The following DNAJC11 variants were observed in gnomAD, a reference collection of about 807,000 sequenced individuals.
DNAJC11 encodes DnaJ heat shock protein family (Hsp40) member C11, also known as dnaJ homolog subfamily C member 11.
A neutral mutation model predicts 78.6 loss-of-function variants in DNAJC11; 15 were observed. The observed-to-expected ratio is 0.19, with a 90% CI of 0.13 to 0.29. The LOEUF (loss-of-function observed/expected upper bound fraction) is 0.29. Among genes scored for constraint, DNAJC11 ranks in the 10% least tolerant of loss-of-function variants. The pLI, the probability that DNAJC11 is intolerant of heterozygous loss-of-function variation, is 1.00. For missense variants in DNAJC11, 547 were observed against 709.6 expected (o/e 0.77, Z 2.60); for synonymous variants, 292 against 272.1 (o/e 1.07, Z -0.72).
At position 6,701,788 on chromosome 1, in the gene DNAJC11, A is replaced by G; in HGVS notation, c.13T>C (p.Leu5=). The change falls in exon 1 of 16, where the codon TTG becomes CTG. Residue 5 remains leucine (L), a synonymous_variant. Transcript: ENST00000377577. The part of the protein sequence containing the change: MATA[L]SEEELDNEDY... ...TCATTGTCCAGCTCCTCCTCGCTCAAGGCCGTCGCCATCTTCGCAACCTTT... is the reference window on the plus strand; with the variant it reads ...TCATTGTCCAGCTCCTCCTCGCTCAGGGCCGTCGCCATCTTCGCAACCTTT... The G allele has an allele frequency of 3.2e-6, 5 of 1,563,202 alleles. No homozygotes were observed. The highest frequency in any genetic ancestry group is 4.3e-6 in the Non-Finnish European group (5 of 1,157,036).
chr1:6,679,624 C>T (rs534561096), intron 2 of DNAJC11, among the ~76,000 whole-genome samples: 76 of 152,290 alleles, frequency 5.0e-4, no homozygotes, highest in African/African-American at 1.8e-3. Flanking sequence ...AAATGCTGGC[C>T]CCTGGAAAAC....
chr1:6,643,120 T>C (rs1641903716), intron 10 of DNAJC11, among the ~76,000 whole-genome samples: 1 of 150,808 alleles, frequency 6.6e-6, no homozygotes, highest in Non-Finnish European at 1.5e-5. Context: ...AGAGACCAAA[T>C]GAGATGAAGA....
chr1:6,643,346 A>G (rs190536061), intron 10 of DNAJC11, among the ~76,000 whole-genome samples: 241 of 147,192 alleles, frequency 1.6e-3, no homozygotes, highest in African/African-American at 5.6e-3. Context: ...CGCCATCTCG[A>G]CTCACTGCAA....
At chr1:6,643,725 C>A (rs1310277283) in intron 10 of DNAJC11, among the ~76,000 whole-genome samples, 1 of 152,114 alleles carries the variant, frequency 6.6e-6, no homozygotes, top group Non-Finnish European at 1.5e-5. Context: ...GGGATAGCTG[C>A]CAGGCCAGTG....
intron 2 of DNAJC11, 104 bp from the exon 3 acceptor site, chr1:6,678,571 T>C: frequency 1.1e-6 from 1 of 889,200 alleles, no homozygotes; most frequent in Non-Finnish European, 1.7e-6. Flanking sequence ...GTTCTCCCTG[T>C]CTGATCACAA....
chr1:6,678,525 T>C, intron 2 of DNAJC11, 58 bp from the exon 3 acceptor site: 3 of 1,372,654 alleles, frequency 2.2e-6, no homozygotes, highest in Non-Finnish European at 3.1e-6. Context: ...CAGTCCTTCC[T>C]GAGAATACTG....
intron 3 of DNAJC11, among the ~76,000 whole-genome samples, chr1:6,675,021 C>T (rs550959656): frequency 5.9e-5 from 9 of 152,270 alleles, no homozygotes; most frequent in African/African-American, 1.9e-4. Flanking sequence ...CAGCTTCCTC[C>T]CTGGAGTGAA....
chr1:6,652,760 T>C (rs1642074813), intron 6 of DNAJC11, 69 bp downstream of exon 6: 1 of 1,600,416 alleles, frequency 6.2e-7, no homozygotes, highest in Non-Finnish European at 8.5e-7. Flanking sequence ...AGGGTGAGCT[T>C]TGAGAGTGTA....
intron 4 of DNAJC11, among the ~76,000 whole-genome samples, chr1:6,662,828 C>T (rs1488637669): frequency 6.9e-5 from 2 of 29,094 alleles, no homozygotes; most frequent in African/African-American, 2.4e-4. Context: ...GCTGGCCACC[C>T]CAGCCAGCAA....
intron 3 of DNAJC11, among the ~76,000 whole-genome samples, chr1:6,671,417 T>A (rs1453145255): frequency 2.2e-5 from 3 of 135,696 alleles, no homozygotes. Context: ...TAATTTTTTT[T>A]AGTAGAGACG....
chr1:6,655,904 C>A (rs1158560797), intron 4 of DNAJC11, among the ~76,000 whole-genome samples: 1 of 151,796 alleles, frequency 6.6e-6, no homozygotes, highest in Non-Finnish European at 1.5e-5. Context: ...GAGTTTGAGA[C>A]CAACATGACC....
In DNAJC11 at chr1:6,652,867, C is replaced by T; in HGVS notation, c.592G>A (p.Ala198Thr). The stretch of plus-strand genomic sequence containing the variant: ...TTTGCCGAAGTTACTCGTCTGAGCG[C>T]AAAGTTAATGGAACCTCCTCCATTT... ...NGNGGGSINF[A>T]LRRVTSAKGW... The change falls in exon 6 of 16, where the codon GCG (alanine) becomes ACG (threonine). Residue 198 changes from alanine (A) to threonine (T), a missense_variant. Ala to Thr is a moderately conservative substitution (Grantham distance 58). Transcript: ENST00000377577. The T allele has an allele frequency of 6.2e-7, 1 of 1,614,148 alleles. No individual in the cohort carries two copies. The highest frequency in any genetic ancestry group is 8.5e-7 in the Non-Finnish European group (1 of 1,180,022).
At chr1:6,636,390 AG>A in intron 14 of DNAJC11, 144 bp from the exon 15 acceptor site, 4 of 1,289,604 alleles carry the variant, frequency 3.1e-6, no homozygotes, top group Non-Finnish European at 4.2e-6. Context: ...AAAAGAAACA[AG>A]AATTTGAAAA....
chr1:6,673,164 C>G (rs1642407343), intron 3 of DNAJC11, among the ~76,000 whole-genome samples: 1 of 133,966 alleles, frequency 7.5e-6, no homozygotes, highest in Non-Finnish European at 1.5e-5. Flanking sequence ...CCACTTCACT[C>G]CAGCCTGGGT....
intron 1 of DNAJC11, among the ~76,000 whole-genome samples, chr1:6,689,629 G>A (rs965259266): frequency 2.0e-4 from 30 of 152,134 alleles, no homozygotes; most frequent in African/African-American, 7.0e-4. Flanking sequence ...CTCTGGTAAA[G>A]ATACAAAAAA....
intron 10 of DNAJC11, 148 bp from the exon 11 acceptor site, chr1:6,640,205 C>T (rs1641853957): frequency 3.0e-6 from 3 of 999,556 alleles, no homozygotes; most frequent in Non-Finnish European, 4.2e-6. Flanking sequence ...CTTTCACAGT[C>T]CACCACCTTC....
At chr1:6,639,852 A>G in intron 11 of DNAJC11, 50 bp downstream of exon 11, 1 of 1,576,396 alleles carries the variant, frequency 6.3e-7, no homozygotes, top group Non-Finnish European at 8.6e-7. Flanking sequence ...AGGGTGAGGA[A>G]ACTGAGGCAC....
chr1:6,678,265 G>A (rs1642503199), intron 3 of DNAJC11, 129 bp downstream of exon 3: 2 of 1,007,570 alleles, frequency 2.0e-6, no homozygotes, highest in Non-Finnish European at 1.6e-6. Context: ...AAAAATACAG[G>A]GCAAGGAAGG....
chr1:6,659,928 C>T (rs1158213957), intron 4 of DNAJC11, among the ~76,000 whole-genome samples: 9 of 151,158 alleles, frequency 6.0e-5, no homozygotes, highest in African/African-American at 2.2e-4. Flanking sequence ...TGGTGGCAGG[C>T]GCCTGGAGTT....
Sources: gnomAD v4.1 joint callset for allele counts (sites outside exome capture counted in the v4.1 genomes callset) on GRCh38, gnomAD v4.1.1 for gene constraint, MANE v1.5 for transcripts, NCBI Gene and HGNC (gene_info 2026-07-23, HGNC 2026-07-21) for gene names.